MRTFA: variants seen among roughly 807,000 people sequenced by gnomAD.
MRTFA encodes the protein myocardin-related transcription factor A.
A neutral mutation model predicts 83.5 loss-of-function variants in MRTFA; 20 were observed. The observed-to-expected ratio is 0.24, with a 90% confidence interval of 0.17 to 0.35. The LOEUF is 0.35. Among genes scored for constraint, MRTFA ranks in the 10% least tolerant of loss-of-function variants. The probability of loss-of-function intolerance (pLI) is 1.00; values close to 1 mark genes in which losing one functional copy is unlikely to be tolerated. For missense variants in MRTFA, 1,200 were observed against 1,224.7 expected (o/e 0.98, Z 0.30); for synonymous variants, 659 against 541.2 (o/e 1.22, Z -3.02).
chr22:40,530,586 C>T (rs1345874672), intron 3 of MRTFA, among the ~76,000 whole-genome samples: 4 of 152,244 alleles, frequency 2.6e-5, no homozygotes, highest in African/African-American at 7.2e-5. Context: ...CGTGCGCCAC[C>T]GCGCCCGGCC....
chr22:40,635,855 T>G (rs551102618), intron 1 of MRTFA, among the ~76,000 whole-genome samples: 1 of 152,132 alleles, frequency 6.6e-6, no homozygotes, highest in Non-Finnish European at 1.5e-5. Context: ...AGTGGCAGGT[T>G]TGGGAGTCGA....
chr22:40,609,482 CAAAAA>C (rs148106089), intron 1 of MRTFA, among the ~76,000 whole-genome samples: 2 of 69,712 alleles, frequency 2.9e-5, no homozygotes, highest in African/African-American at 6.8e-5. Flanking sequence ...GTCTCTTTAA[CAAAAA>C]AAAAAAAAAA....
intron 3 of MRTFA, among the ~76,000 whole-genome samples, chr22:40,490,682 G>A (rs988551311): frequency 6.6e-6 from 1 of 151,830 alleles, no homozygotes; most frequent in East Asian, 1.9e-4. Flanking sequence ...TCTCGTCTTC[G>A]ATGTGTCCAT....
chr22:40,519,088 C>T (rs1004991588), intron 3 of MRTFA, among the ~76,000 whole-genome samples: 3 of 151,294 alleles, frequency 2.0e-5, no homozygotes, highest in East Asian at 2.0e-4. Context: ...CTTGGCTCAC[C>T]GCAACCTCTG....
intron 3 of MRTFA, among the ~76,000 whole-genome samples, chr22:40,476,223 A>G (rs1421075519): frequency 1.3e-5 from 2 of 151,828 alleles, no homozygotes; most frequent in African/African-American, 4.8e-5. Context: ...CTATTTCCTG[A>G]TAACATTCCC....
chr22:40,457,493 A>AGAAAGAAAGAAG (rs2053616574), intron 4 of MRTFA, among the ~76,000 whole-genome samples: 1 of 143,224 alleles, frequency 7.0e-6, no homozygotes, highest in Non-Finnish European at 1.6e-5. Context: ...AAAGAAGGAA[A>AGAAAGAAAGAAG]GAAAGAAAGA....
intron 4 of MRTFA, among the ~76,000 whole-genome samples, chr22:40,462,174 C>T (rs2053726758): frequency 6.6e-6 from 1 of 152,206 alleles, no homozygotes; most frequent in Non-Finnish European, 1.5e-5. Context: ...ATAGTACTTA[C>T]CAGGCTCTGA....
chr22:40,544,203 T>C (rs2055330706), intron 3 of MRTFA, among the ~76,000 whole-genome samples: 2 of 152,256 alleles, frequency 1.3e-5, no homozygotes, highest in Admixed American at 6.5e-5. Flanking sequence ...AAGACTCATA[T>C]AAATTACATT....
At chr22:40,587,066 G>T in intron 2 of MRTFA, 1 of 465,464 alleles carries the variant, frequency 2.1e-6, no homozygotes, top group Non-Finnish European at 4.4e-6. Context: ...TTTCCAGGAG[G>T]TTTGTCCCCA....
intron 3 of MRTFA, among the ~76,000 whole-genome samples, chr22:40,493,881 T>C (rs1330707380): frequency 6.6e-6 from 1 of 152,272 alleles, no homozygotes; most frequent in Admixed American, 6.5e-5. Context: ...TAATAGTGTT[T>C]AGGTCTCAGT....
chr22:40,626,443 G>C (rs1350696701), intron 1 of MRTFA, among the ~76,000 whole-genome samples: 1 of 152,100 alleles, frequency 6.6e-6, no homozygotes, highest in African/African-American at 2.4e-5. Context: ...TCGGTGCACA[G>C]CGCCGCGCCC....
intron 4 of MRTFA, among the ~76,000 whole-genome samples, chr22:40,441,831 T>TACACACACACACAC (rs562549245): frequency 6.8e-6 from 1 of 147,840 alleles, no homozygotes; most frequent in African/African-American, 2.5e-5. Context: ...TATATATATA[T>TACACACACACACAC]ACACACACAC....
At chr22:40,448,733 G>C (rs2053430790) in intron 4 of MRTFA, among the ~76,000 whole-genome samples, 1 of 152,178 alleles carries the variant, frequency 6.6e-6, no homozygotes, top group Non-Finnish European at 1.5e-5. Flanking sequence ...GAGAGTCACT[G>C]TATAATCAAA....
At chr22:40,422,348 G>A (rs1181624757) in intron 9 of MRTFA, among the ~76,000 whole-genome samples, 1 of 152,166 alleles carries the variant, frequency 6.6e-6, no homozygotes, top group Non-Finnish European at 1.5e-5. Flanking sequence ...GAAGAGATGT[G>A]TAGACAAAAT....
chr22:40,596,786 C>T (rs938739113), intron 1 of MRTFA, among the ~76,000 whole-genome samples: 31 of 152,100 alleles, frequency 2.0e-4, no homozygotes, highest in African/African-American at 7.5e-4. Flanking sequence ...GCCTGGGTAA[C>T]AGAGCGAGAC....
chr22:40,631,887 C>T (rs1396571125), intron 1 of MRTFA, among the ~76,000 whole-genome samples: 2 of 152,188 alleles, frequency 1.3e-5, no homozygotes, highest in Non-Finnish European at 1.5e-5. Context: ...TACTTCAGAA[C>T]TTCAGTACCT....
chr22:40,603,877 T>A (rs940246279), intron 1 of MRTFA, among the ~76,000 whole-genome samples: 8 of 151,964 alleles, frequency 5.3e-5, no homozygotes, highest in Non-Finnish European at 8.8e-5. Flanking sequence ...CCTTCCATAG[T>A]GCTGGGATTA....
chr22:40,428,079 C>G (rs1310858774), intron 7 of MRTFA, among the ~76,000 whole-genome samples: 1 of 152,190 alleles, frequency 6.6e-6, no homozygotes, highest in Non-Finnish European at 1.5e-5. Flanking sequence ...TTACAATAAG[C>G]CAGGAAATGT....
chr22:40,459,239 CAAAAAAAAAA>C (rs59958160), intron 4 of MRTFA, among the ~76,000 whole-genome samples: 77 of 87,124 alleles, frequency 8.8e-4, no homozygotes, highest in Middle Eastern at 5.6e-3. Flanking sequence ...AGGGGTCTGG[CAAAAAAAAAA>C]AAAAAAAAAA....
Sources: allele counts gnomAD v4.1 joint callset (sites outside exome capture counted in the v4.1 genomes callset), GRCh38; gene constraint gnomAD v4.1.1; transcripts MANE v1.5; gene names NCBI Gene and HGNC (gene_info 2026-07-23, HGNC 2026-07-21).